PSRC1: variants seen among roughly 807,000 people sequenced by gnomAD.
The protein encoded by PSRC1 is proline and serine rich coiled-coil 1, also known as proline/serine-rich coiled-coil protein 1.
Under a neutral mutation model 31.9 loss-of-function variants are expected in PSRC1, and 30 were observed. The observed-to-expected ratio is 0.94, with a 90% CI of 0.70 to 1.28. PSRC1 has a LOEUF of 1.28. Ranked by LOEUF, PSRC1 falls within the 50% of genes most tolerant of loss-of-function variation. The pLI is 0.00. For synonymous variants in PSRC1, 191 were observed against 192.1 expected (o/e 0.99, Z 0.05); for missense variants, 481 against 472.8 (o/e 1.02, Z -0.16).
chr1:109,281,474 T>C (rs1657101992), intron 4 of PSRC1, 145 bp downstream of exon 4: 2 of 840,704 alleles, frequency 2.4e-6, no homozygotes, highest in Non-Finnish European at 3.7e-6. Context: ...AGAGTTTTGG[T>C]TCTCTTTTTT....
exon 7 of PSRC1, chr1:109,279,894 T>C: frequency 3.6e-6 from 2 of 555,216 alleles, no homozygotes; most frequent in Non-Finnish European, 6.5e-6. Flanking sequence ...TCATCTTCTA[T>C]TTGTTCATTT....
exon 7 of PSRC1, chr1:109,279,964 T>G (rs1274390473): frequency 1.4e-6 from 1 of 716,030 alleles, no homozygotes; most frequent in Non-Finnish European, 2.5e-6. Context: ...AGTTTAAGTC[T>G]TCTCCAGCTC....
At chr1:109,280,689 A>G (rs1414179192) in intron 5 of PSRC1, 88 bp downstream of exon 6, 1 of 1,149,324 alleles carries the variant, frequency 8.7e-7, no homozygotes, top group African/African-American at 1.5e-5. Context: ...AATTGCAATA[A>G]GGATGGCAAA....
chr1:109,280,592 C>A, intron 5 of PSRC1, 103 bp from the exon 7 acceptor site: 2 of 1,050,508 alleles, frequency 1.9e-6, no homozygotes, highest in South Asian at 3.1e-5. Context: ...TACTCTCCCC[C>A]TGACCATGAG....
At chr1:109,280,625 A>C in intron 5 of PSRC1, 136 bp from the exon 7 acceptor site, 2 of 953,066 alleles carry the variant, frequency 2.1e-6, no homozygotes, top group Non-Finnish European at 3.1e-6. Flanking sequence ...TAAGACTCAG[A>C]CTCTGTCCAG....
At chr1:109,280,519 TAGC>T (rs1370855303) in intron 5 of PSRC1, 30 bp from the exon 7 acceptor site, 7 of 1,569,538 alleles carry the variant, frequency 4.5e-6, no homozygotes, top group Non-Finnish European at 6.1e-6. Context: ...AGAAATGAGT[TAGC>T]AGCAAGTTTA....
chr1:109,281,308 G>A, intron 4 of PSRC1, 57 bp from the exon 5 acceptor site: 1 of 1,394,540 alleles, frequency 7.2e-7, no homozygotes, highest in Non-Finnish European at 9.6e-7. Context: ...TCTGTTCTGT[G>A]GCTTAAGGAA....
At chr1:109,280,017 G>T in exon 7 of PSRC1, 1 of 1,134,902 alleles carries the variant, frequency 8.8e-7, no homozygotes, top group South Asian at 1.2e-5. Flanking sequence ...ACTCCTGGGA[G>T]ACCAGCCCTG....
intron 5 of PSRC1, 33 bp from the exon 7 acceptor site, chr1:109,280,522 C>T: frequency 6.4e-7 from 1 of 1,566,682 alleles, no homozygotes; most frequent in Non-Finnish European, 8.7e-7. Flanking sequence ...AATGAGTTAG[C>T]AGCAAGTTTA....
intron 5 of PSRC1, 81 bp downstream of exon 6, chr1:109,280,696 C>T (rs1656918948): frequency 1.6e-6 from 2 of 1,219,820 alleles, no homozygotes; most frequent in African/African-American, 3.0e-5. Flanking sequence ...ATAAGGATGG[C>T]AAAAGTGGTC....
chr1:109,280,882 C>T, exon 5 of PSRC1: 1 of 1,614,112 alleles, frequency 6.2e-7, no homozygotes, highest in African/African-American at 1.3e-5. Context: ...CCAGGTGGCA[C>T]ACTCCGGCTG....
exon 4 of PSRC1, chr1:109,282,008 G>T: frequency 6.6e-7 from 1 of 1,509,680 alleles, no homozygotes; most frequent in Non-Finnish European, 8.8e-7. Flanking sequence ...GAGAGGCCCC[G>T]TCGAAGTGGT....
At chr1:109,282,782 G>A in intron 1 of PSRC1, 46 bp from the exon 2 acceptor site, 2 of 1,540,570 alleles carry the variant, frequency 1.3e-6, no homozygotes, top group Non-Finnish European at 1.8e-6. Flanking sequence ...TCTGCCCAAG[G>A]CTCGCAGCTA....
chr1:109,282,959 T>G (rs1657437336), intron 1 of PSRC1, 104 bp downstream of exon 1: 4 of 584,646 alleles, frequency 6.8e-6, no homozygotes, highest in South Asian at 2.1e-5. Flanking sequence ...CTCTCCTCAC[T>G]GGGGGCGGCC....
exon 4 of PSRC1, chr1:109,281,630 T>C: frequency 2.5e-6 from 4 of 1,611,272 alleles, no homozygotes; most frequent in Non-Finnish European, 3.4e-6. Flanking sequence ...CTCTTCATGT[T>C]GGAGGGCCTC....
chr1:109,279,841 C>T (rs1239322349), exon 7 of PSRC1: 2 of 451,932 alleles, frequency 4.4e-6, no homozygotes, highest in East Asian at 3.4e-5. Context: ...GGGCTGACCA[C>T]AACAGTGGGG....
Position 109,281,251 on chromosome 1 carries a change from C to A in PSRC1, c.520G>T (p.Glu174Ter). The A allele has an allele frequency of 6.3e-7, 1 of 1,584,120 alleles. No homozygotes were observed. The highest frequency in any genetic ancestry group is 8.6e-7 in the Non-Finnish European group (1 of 1,163,370). ...GGGAACAGATTGCAAGTGGGTGACTCCTGAAACACAAAGAGAGAGAGAAAA... is the reference window on the plus strand; with the variant it reads ...GGGAACAGATTGCAAGTGGGTGACTACTGAAACACAAAGAGAGAGAGAAAA... The change falls in exon 5 of 7, where the codon GAG becomes TAG. Residue 174 changes from glutamate (E) to a stop codon, truncating the protein, a stop_gained and splice_region_variant. Transcript: ENST00000409138. LOFTEE classifies it high-confidence loss of function.
chr1:109,280,495 T>C lies in PSRC1; in HGVS notation c.995-6A>G. 1 of 1,607,306 alleles carries C rather than the reference T, an allele frequency of 6.2e-7. No individual in the cohort carries two copies. Among genetic ancestry groups the C allele is most frequent in the South Asian group, 1.1e-5 (1 of 90,142 alleles). The stretch of plus-strand genomic sequence containing the variant: ...TAGTCGCTGGGAAACAGGAACTTCA[T>C]GGGGGTTAACAAAAGAAATGAGTTA... On this transcript the variant is annotated splice_polypyrimidine_tract_variant and splice_region_variant and intron_variant, in intron 5 of 6. Coordinates refer to ENST00000409138, the Ensembl canonical transcript of PSRC1.
intron 3 of PSRC1, 52 bp from the exon 4 acceptor site, chr1:109,282,112 A>T: frequency 7.1e-7 from 1 of 1,413,596 alleles, no homozygotes. Flanking sequence ...GGAACAGGAG[A>T]TTATGCAAGG....
Sources: gnomAD v4.1 joint callset for allele counts on GRCh38, gnomAD v4.1.1 for gene constraint, MANE v1.5 for transcripts, NCBI Gene and HGNC (gene_info 2026-07-23, HGNC 2026-07-21) for gene names.